Variants in NEB observed in about 807,000 individuals in gnomAD.
NEB encodes nemaline myopathy type 2.
In NEB, 512 loss-of-function variants were observed where a neutral mutation model predicts 952.2. The observed-to-expected ratio is 0.54, with a 90% CI of 0.50 to 0.58. NEB has a LOEUF of 0.58. Ranked by LOEUF, NEB falls within the 20% of genes least tolerant of loss-of-function variation. NEB has a pLI of 0.00. For missense variants in NEB, 8,428 were observed against 9,231.1 expected, an observed-to-expected ratio of 0.91 and a Z score of 3.56; for synonymous variants, 2,900 against 3,149.8, an observed-to-expected ratio of 0.92 and a Z score of 2.66.
chr2:151,618,452 C>T lies in NEB; in HGVS notation c.10899G>A (p.Trp3633Ter), dbSNP rs780343350. 5 of 1,613,732 alleles carry T rather than the reference C, an allele frequency of 3.1e-6. No homozygotes were observed. Among genetic ancestry groups the T allele is most frequent in the Non-Finnish European group, 1.7e-6 (2 of 1,179,832 alleles). Residue 3633 changes from tryptophan to a stop codon, truncating the protein, a stop_gained, in exon 74 of 182, where the codon TGG becomes TGA. Coordinates refer to ENST00000397345, the MANE Select transcript of NEB (RefSeq NM_001164508.2). LOFTEE classifies it high-confidence loss of function. ...SDNLYKSDLE[W>*]MKGIGWVPID... ...TCGGAACCCAGCCAATGCCTTTCAT[C>T]CATTCAAGGTCTGACTTATACAAAT...
intron 142 of NEB, chr2:151,534,068 T>C: frequency 1.6e-6 from 1 of 627,468 alleles, no homozygotes; most frequent in African/African-American, 1.8e-5. Context: ...TGACGGGCTT[T>C]TTGGGTGGCT....
intron 51 of NEB, 61 bp from the exon 52 acceptor site, chr2:151,654,160 T>C: frequency 9.3e-7 from 1 of 1,074,910 alleles, no homozygotes; most frequent in Admixed American, 2.6e-5. Flanking sequence ...CAATAGATTA[T>C]TAGGGAAAAG....
chr2:151,500,877 G>C (rs2063957676), intron 168 of NEB, among the ~76,000 whole-genome samples: 2 of 152,100 alleles, frequency 1.3e-5, no homozygotes, highest in South Asian at 4.1e-4. Context: ...GAGGTGACAG[G>C]TGTGAGCCAC....
At chr2:151,612,129 A>G in intron 78 of NEB, 57 bp downstream of exon 78, 1 of 1,558,424 alleles carries the variant, frequency 6.4e-7, no homozygotes. Flanking sequence ...TTCCTACTTT[A>G]TGAGCCAAAT....
intron 128 of NEB, 52 bp downstream of exon 128, chr2:151,552,620 G>A: frequency 7.6e-7 from 1 of 1,322,108 alleles, no homozygotes; most frequent in Admixed American, 1.8e-5. Flanking sequence ...CTCTGCTTGA[G>A]TGGTGGCCCT....
rs530974339 is a variant in NEB at position 151,519,889 on chromosome 2, T to TG, written c.22480-122_22480-121insC. On this transcript the variant is annotated intron_variant, in intron 153 of 181. Coordinates refer to ENST00000397345, the MANE Select transcript of NEB (RefSeq NM_001164508.2). ...GTACATAGAGTGATCATATAATCTA[T>TG]TATCCAAACTGGGACATTTAGAGTA... 356 of 639,572 alleles carry TG rather than the reference T, an allele frequency of 5.6e-4. 1 individual carries two copies. The highest frequency in any genetic ancestry group is 5.4e-3 in the African/African-American group (298 of 55,364). The allele number at this position is 639,572 out of a possible 1,614,324, so 39.6% of individuals were successfully genotyped here.
intron 13 of NEB, among the ~76,000 whole-genome samples, chr2:151,706,097 G>A (rs567743283): frequency 2.0e-5 from 3 of 152,242 alleles, no homozygotes; most frequent in East Asian, 3.9e-4. Flanking sequence ...GAAAGCAAAC[G>A]TGCTTTACAG....
chr2:151,511,539 A>G (rs2074326258), intron 161 of NEB, among the ~76,000 whole-genome samples: 1 of 152,226 alleles, frequency 6.6e-6, no homozygotes, highest in Admixed American at 6.5e-5. Flanking sequence ...GAGTTGGACC[A>G]GCGAATCTAC....
intron 13 of NEB, among the ~76,000 whole-genome samples, chr2:151,698,110 C>G (rs2099610509): frequency 6.6e-6 from 1 of 151,350 alleles, no homozygotes; most frequent in Admixed American, 6.6e-5. Context: ...AGAAAAAAAC[C>G]TGACAATCGA....
chr2:151,488,209 T>C (rs552856923), intron 181 of NEB, among the ~76,000 whole-genome samples: 2 of 152,280 alleles, frequency 1.3e-5, no homozygotes, highest in South Asian at 2.1e-4. Flanking sequence ...ATTTTTGTTA[T>C]GTATGCTGTA....
chr2:151,490,173 T>G lies in NEB; in HGVS notation c.25298-96A>C, dbSNP rs1574526770. 7.5e-6 allele frequency: 9 copies of G among 1,199,754 alleles called. No homozygotes were observed. In the East Asian group the frequency reaches 1.9e-4, roughly 25 times the overall value. 74.3% of individuals were successfully genotyped at this position (1,199,754 alleles called of 1,614,324 possible). A position where few individuals can be genotyped will look rare whatever the true frequency, so the allele number is the denominator to read the frequency against. ...CTGAGTGATGTCTTTTTCCCCCAAC[T>G]TAGAATGATTTCCAAAAAGAGAAAT... On this transcript the variant is annotated intron_variant, in intron 180 of 181. Transcript: ENST00000397345.
intron 159 of NEB, 108 bp downstream of exon 159, chr2:151,514,208 GCT>G (rs2076330980): frequency 1.4e-6 from 1 of 729,130 alleles, no homozygotes; most frequent in South Asian, 1.7e-5. Flanking sequence ...AAAATGAAAA[GCT>G]CTGTTTTTCT....
chr2:151,639,111 A>G (rs1463680857), intron 63 of NEB, among the ~76,000 whole-genome samples, 169 bp downstream of exon 63: 1 of 152,238 alleles, frequency 6.6e-6, no homozygotes, highest in Non-Finnish European at 1.5e-5. Context: ...GATAATTCAT[A>G]TTGCATAAAG....
intron 107 of NEB, 36 bp downstream of exon 107, chr2:151,575,658 CT>C (rs1490755243): frequency 1.4e-6 from 2 of 1,426,912 alleles, no homozygotes; most frequent in Admixed American, 3.4e-5. Context: ...GACTGGGTAA[CT>C]TTCCAAACAA....
In NEB at chr2:151,633,707, G is replaced by C. The variant is rs767426551; in HGVS notation, c.9361C>G (p.Pro3121Ala). The change falls in exon 65 of 182, where the codon CCT (proline) becomes GCT (alanine). Residue 3121 changes from proline (P) to alanine (A), a missense_variant. By Grantham distance (27) the Pro-to-Ala change is conservative. Around this residue, in one of 11 missense-constraint regions of NEB, gnomAD observed 1,772 missense variants for 1,960.3 expected, o/e 0.90. Transcript: ENST00000397345. Reference sequence around the variant, plus strand: ...GCATGGATGACATCGCTCTGGTCAGGCAGGCATGTCCACTCGTGCAGGTAG... The same window carrying C: ...GCATGGATGACATCGCTCTGGTCAGCCAGGCATGTCCACTCGTGCAGGTAG... ...KNYLHEWTCL[P>A]DQSDVIHARQ... 9.9e-6 allele frequency: 16 copies of C among 1,613,856 alleles called. No individual in the cohort carries two copies. The highest frequency in any genetic ancestry group is 1.4e-5 in the Non-Finnish European group (16 of 1,179,884).
In NEB at chr2:151,510,064, T is replaced by G. The variant is rs181084740; in HGVS notation, c.23347-1955A>C. ...AAAGACATAAGTGATTAACTTCTTT[T>G]AATTTATAACTAAGGTCTGAGTTCT... On this transcript the variant is annotated intron_variant, in intron 161 of 181. Coordinates refer to ENST00000397345, the MANE Select transcript of NEB (RefSeq NM_001164508.2). 1.7e-3 allele frequency among the ~76,000 whole-genome samples: 264 copies of G among 152,374 alleles called. 3 individuals carry two copies. Among genetic ancestry groups the G allele is most frequent in the Non-Finnish European group, 2.2e-3 (152 of 68,034 alleles).
At position 151,724,878 on chromosome 2, in the gene NEB, T is replaced by C. The variant is rs768796648; in HGVS notation, c.486A>G (p.Lys162=). 4.0e-5 allele frequency: 65 copies of C among 1,613,630 alleles called. No individual in the cohort carries two copies. The highest frequency in any genetic ancestry group is 5.2e-5 in the Non-Finnish European group (61 of 1,179,770). ...TTACCTTACTGACTTGCTGCGACACTTTCTTTGCATGTTCAATATCCTTTG... is the reference window on the plus strand; with the variant it reads ...TTACCTTACTGACTTGCTGCGACACCTTCTTTGCATGTTCAATATCCTTTG... The part of the protein sequence containing the change: ...EKAKDIEHAK[K]VSQQVSKVLY... Residue 162 remains lysine, a synonymous_variant, in exon 7 of 182, where the codon AAA becomes AAG. Coordinates refer to ENST00000397345, the MANE Select transcript of NEB (RefSeq NM_001164508.2).
At chr2:151,527,354 C>T (rs2086877782) in intron 147 of NEB, 127 bp downstream of exon 147, 4 of 811,906 alleles carry the variant, frequency 4.9e-6, no homozygotes, top group Non-Finnish European at 7.7e-6. Flanking sequence ...CAACCATCCT[C>T]CTCTCCTTCT....
At chr2:151,698,617 T>C (rs2099616511) in intron 13 of NEB, among the ~76,000 whole-genome samples, 1 of 151,756 alleles carries the variant, frequency 6.6e-6, no homozygotes, top group Admixed American at 6.6e-5. Context: ...TGTTGTACCC[T>C]GTATCAGTAC....
Sources: gnomAD v4.1 joint callset for allele counts (sites outside exome capture counted in the v4.1 genomes callset) on GRCh38, gnomAD v4.1.1 for gene constraint, gnomAD v4.1.1 regional missense constraint, MANE v1.5 for transcripts, NCBI Gene and HGNC (gene_info 2026-07-23, HGNC 2026-07-21) for gene names.